Variants in MYO1B observed in about 807,000 individuals in gnomAD.
MYO1B encodes the protein myosin IB, also known as unconventional myosin-Ib.
MYO1B carries 72 observed loss-of-function variants against 159.7 expected under a neutral mutation model. The observed-to-expected ratio is 0.45, with a 90% CI of 0.37 to 0.55. The LOEUF is 0.55. Among genes scored for constraint, MYO1B ranks in the 20% least tolerant of loss-of-function variants. The probability of loss-of-function intolerance (pLI) is 0.00; values close to 1 mark genes in which losing one functional copy is unlikely to be tolerated. For synonymous variants in MYO1B, 468 were observed against 473.8 expected (o/e 0.99, Z 0.16); for missense variants, 1,062 against 1,364.8 (o/e 0.78, Z 3.50).
At position 191,408,192 on chromosome 2, in the gene MYO1B, A is replaced by G. The variant is rs948228979; in HGVS notation, c.2631+3A>G. 14 of 1,606,176 alleles carry G rather than the reference A, an allele frequency of 8.7e-6. No individual in the cohort carries two copies. The Admixed American group carries it at 1.5e-4, about 17-fold the overall frequency. On this transcript the variant is annotated splice_donor_region_variant and intron_variant, in intron 25 of 30. Transcript: ENST00000392318. The stretch of plus-strand genomic sequence containing the variant: ...ATGAGTTTACGCTTCAGAGAATTGT[A>G]AGTTGACACTTTATATCTGTGGATA...
At chr2:191,405,439 A>G (rs1239701638) in intron 24 of MYO1B, among the ~76,000 whole-genome samples, 5 of 152,208 alleles carry the variant, frequency 3.3e-5, no homozygotes, top group African/African-American at 7.2e-5. Flanking sequence ...TCTTAATGGC[A>G]TCCAGACTGA....
chr2:191,365,490 C>T (rs1001124448), intron 11 of MYO1B, among the ~76,000 whole-genome samples: 3 of 152,198 alleles, frequency 2.0e-5, no homozygotes, highest in Admixed American at 2.0e-4. Flanking sequence ...TTGTAGCAAT[C>T]GTTTCCTAGC....
In MYO1B at chr2:191,409,147, A is replaced by G. The variant is rs771249399; in HGVS notation, c.2735A>G (p.Lys912Arg). 5.6e-6 allele frequency: 9 copies of G among 1,612,124 alleles called. No homozygotes were observed. The Admixed American group carries it at 1.5e-4, about 27-fold the overall frequency. Residue 912 changes from lysine (K) to arginine (R), a missense_variant, in exon 26 of 31, where the codon AAG becomes AGG. Transcript: ENST00000392318. ...TACTTATTCTTGGATTCTACTCACAAGGAGCTAAAAAGGATTTTCCACTTG... is the reference window on the plus strand; with the variant it reads ...TACTTATTCTTGGATTCTACTCACAGGGAGCTAAAAAGGATTTTCCACTTG... Reference protein sequence around the residue: ...RPYLFLDSTHKELKRIFHLWR... With the variant: ...RPYLFLDSTHRELKRIFHLWR...
At chr2:191,304,369 G>A (rs112007157) in intron 3 of MYO1B, among the ~76,000 whole-genome samples, 2,330 of 152,266 alleles carry the variant, frequency 0.015, 32 homozygotes, top group Non-Finnish European at 0.025. Context: ...TTGGGAGTTC[G>A]AGACTAGCCT....
chr2:191,409,210 A>T (rs1221280446), intron 26 of MYO1B, 32 bp downstream of exon 26: 1 of 1,587,898 alleles, frequency 6.3e-7, no homozygotes, highest in Admixed American at 1.9e-5. Context: ...CTTTTCGGAG[A>T]CTTTCTTATT....
rs976086324 is a variant in MYO1B, at chr2:191,396,423, C to T, written c.2227-6C>T. 2 of 1,613,960 alleles carry T rather than the reference C, an allele frequency of 1.2e-6. No individual in the cohort carries two copies. The highest frequency in any genetic ancestry group is 3.3e-5 in the Admixed American group (2 of 60,004). On this transcript the variant is annotated splice_region_variant and splice_polypyrimidine_tract_variant and intron_variant, in intron 20 of 30. Transcript: ENST00000392318. ...ACTGCCAATATCTTCCCCTTTTATC[C>T]TACAGCAACAAAAGAGGTACCAGCA...
intron 24 of MYO1B, among the ~76,000 whole-genome samples, chr2:191,405,863 G>T (rs1696886692): frequency 6.6e-6 from 1 of 152,220 alleles, no homozygotes; most frequent in Non-Finnish European, 1.5e-5. Flanking sequence ...AATGGTAAAT[G>T]AGCATTAGCT....
chr2:191,416,629 A>T (rs1242696735), intron 30 of MYO1B: 2 of 160,108 alleles, frequency 1.2e-5, no homozygotes, highest in African/African-American at 4.8e-5. Context: ...CCTGGCCAAC[A>T]TGGTGAAACC....
At chr2:191,257,109 T>G (rs538994491) in intron 1 of MYO1B, among the ~76,000 whole-genome samples, 2 of 152,328 alleles carry the variant, frequency 1.3e-5, no homozygotes, top group Non-Finnish European at 2.9e-5. Context: ...GCAGAAATTA[T>G]GCACCCATTT....
At chr2:191,254,511 C>T (rs1686319034) in intron 1 of MYO1B, among the ~76,000 whole-genome samples, 1 of 144,728 alleles carries the variant, frequency 6.9e-6, no homozygotes, top group South Asian at 2.2e-4. Context: ...CGCCCGGCCT[C>T]TTTTTTTTTT....
At chr2:191,336,406 G>A (rs1362774854) in intron 4 of MYO1B, among the ~76,000 whole-genome samples, 2 of 152,308 alleles carry the variant, frequency 1.3e-5, no homozygotes, top group Middle Eastern at 3.4e-3. Context: ...GAATAGATAA[G>A]TGAAGTCAAG....
At position 191,424,490 on chromosome 2, in the gene MYO1B, A is replaced by G. The variant is rs899410536; in HGVS notation, c.*530A>G. The stretch of plus-strand genomic sequence containing the variant: ...AAAACAATAACTGTTAATGATGGAC[A>G]GCATTATTAGGAACCCTGTAGTATG... On this transcript the variant is annotated 3_prime_UTR_variant, in exon 31 of 31. Coordinates refer to ENST00000392318, the MANE Select transcript of MYO1B (RefSeq NM_001130158.3). 6.6e-6 allele frequency: 1 copy of G among 152,612 alleles called. No homozygotes were observed. Among genetic ancestry groups the G allele is most frequent in the African/African-American group, 2.4e-5 (1 of 41,458 alleles). 9.5% of individuals were successfully genotyped at this position (152,612 alleles called of 1,614,324 possible). A position where few individuals can be genotyped will look rare whatever the true frequency, so the allele number is the denominator to read the frequency against.
rs746923293 is a variant in MYO1B, at chr2:191,400,833, A to G, written c.2467A>G (p.Lys823Glu). The change falls in exon 23 of 31, where the codon AAG becomes GAG. Residue 823 changes from lysine to glutamate, a missense_variant and splice_region_variant. Physicochemically the swap from Lys to Glu is moderately conservative, Grantham distance 56. This residue lies in a region of MYO1B where 609 missense variants were observed against 744.4 expected (regional missense o/e 0.82). Coordinates refer to ENST00000392318, the MANE Select transcript of MYO1B (RefSeq NM_001130158.3). Reference protein sequence around the residue: ...AVIWAYWLGSKARRELKRLKE... With the variant: ...AVIWAYWLGSEARRELKRLKE... ...TATTTGGGCTTACTGGCTTGGATCT[A>G]AGGTACTTGATGCACATATCCCAAC... is the stretch of plus-strand genomic sequence containing the variant. 7.4e-6 allele frequency: 12 copies of G among 1,613,642 alleles called. No homozygotes were observed. The highest frequency in any genetic ancestry group is 4.0e-5 in the African/African-American group (3 of 74,926).
intron 5 of MYO1B, among the ~76,000 whole-genome samples, chr2:191,343,117 A>G (rs1417871019): frequency 6.6e-6 from 1 of 152,116 alleles, no homozygotes; most frequent in Non-Finnish European, 1.5e-5. Context: ...GTTACAGTTG[A>G]AAGTATCTCC....
intron 15 of MYO1B, among the ~76,000 whole-genome samples, chr2:191,383,723 G>A (rs915968952): frequency 1.3e-5 from 2 of 151,646 alleles, no homozygotes; most frequent in African/African-American, 4.9e-5. Flanking sequence ...GGCCTTAAAG[G>A]TACCAGCCTT....
intron 1 of MYO1B, among the ~76,000 whole-genome samples, chr2:191,253,051 T>C (rs1036304983): frequency 4.1e-5 from 6 of 147,608 alleles, no homozygotes; most frequent in Non-Finnish European, 7.5e-5. Flanking sequence ...CATAAAAAAT[T>C]AGTAAGTTGG....
intron 16 of MYO1B, 28 bp downstream of exon 16, chr2:191,386,112 A>G (rs1480189064): frequency 6.2e-7 from 1 of 1,608,952 alleles, no homozygotes; most frequent in Non-Finnish European, 8.5e-7. Context: ...GCACCCAGTC[A>G]GGCCTGCCAA....
At chr2:191,263,954 A>G (rs935817578) in intron 1 of MYO1B, among the ~76,000 whole-genome samples, 6 of 152,198 alleles carry the variant, frequency 3.9e-5, no homozygotes, top group African/African-American at 1.4e-4. Flanking sequence ...CATGTCTTAT[A>G]GGTTGATTTG....
chr2:191,360,712 C>G lies in MYO1B; in HGVS notation c.644C>G (p.Ala215Gly). 1 of 1,609,762 alleles carries G rather than the reference C, an allele frequency of 6.2e-7. No homozygotes were observed. Among genetic ancestry groups the G allele is most frequent in the Non-Finnish European group, 8.5e-7 (1 of 1,176,648 alleles). The change falls in exon 8 of 31, where the codon GCC (alanine) becomes GGC (glycine). Residue 215 changes from alanine to glycine, a missense_variant. Ala to Gly is a moderately conservative substitution (Grantham distance 60, BLOSUM62 0). Coordinates refer to ENST00000392318, the MANE Select transcript of MYO1B (RefSeq NM_001130158.3). ...GTGTTCTATCAGCTGCTCTCTGGTG[C>G]CTCTGAAGAGCTCCTCAGTAAGTCT... ...FHVFYQLLSG[A>G]SEELLNKLKL... is the part of the protein sequence containing the mutation.
Sources: allele counts gnomAD v4.1 joint callset (sites outside exome capture counted in the v4.1 genomes callset), GRCh38; gene constraint gnomAD v4.1.1; regional missense constraint gnomAD v4.1.1; transcripts MANE v1.5; gene names NCBI Gene and HGNC (gene_info 2026-07-23, HGNC 2026-07-21).